The following SP7 variants were observed in gnomAD, a reference collection of about 807,000 sequenced individuals.
SP7 encodes Sp7 transcription factor, also known as transcription factor Sp7.
SP7 carries 13 observed loss-of-function variants against 27.9 expected under a neutral mutation model. That is an observed-to-expected ratio of 0.47 (90% CI 0.30 to 0.74). The LOEUF (loss-of-function observed/expected upper bound fraction) is 0.74. Ranked by LOEUF, SP7 falls within the 30% of genes least tolerant of loss-of-function variation. The pLI is 0.06. For missense variants in SP7, 525 were observed against 558.0 expected (o/e 0.94, Z 0.60); for synonymous variants, 219 against 226.7 (o/e 0.97, Z 0.31).
At chr12:53,333,330 C>T (rs1223467605) in intron 2 of SP7, among the ~76,000 whole-genome samples, 2 of 152,178 alleles carry the variant, frequency 1.3e-5, no homozygotes, top group Non-Finnish European at 2.9e-5. Flanking sequence ...ACCTCCACCC[C>T]ACCACCCTTA....
At chr12:53,329,482 C>T (rs762644597) in intron 2 of SP7, 62 bp from the exon 3 acceptor site, 1 of 1,422,140 alleles carries the variant, frequency 7.0e-7, no homozygotes, top group Non-Finnish European at 9.8e-7. Context: ...TGAAGGGCAA[C>T]ACTTTAGGAC....
intron 2 of SP7, among the ~76,000 whole-genome samples, chr12:53,334,773 G>C (rs77410399): frequency 6.6e-6 from 1 of 152,160 alleles, no homozygotes; most frequent in African/African-American, 2.4e-5. Flanking sequence ...CCAGAAGCCA[G>C]AGTAGAGTCA....
chr12:53,339,499 G>A (rs11829355), upstream of SP7, among the ~76,000 whole-genome samples: 28,663 of 151,562 alleles, frequency 0.19, 2,834 homozygotes, highest in South Asian at 0.21. Context: ...GCCAAGGTGG[G>A]TGGATCACCT....
At chr12:53,342,553 C>T (rs1167075362) in intron 1 of SP7, among the ~76,000 whole-genome samples, 1 of 152,154 alleles carries the variant, frequency 6.6e-6, no homozygotes, top group African/African-American at 2.4e-5. Context: ...TGGTGGCTCA[C>T]GCCTGTAATT....
intron 1 of SP7, among the ~76,000 whole-genome samples, chr12:53,342,073 AAAC>A (rs376236634): frequency 1.0e-5 from 1 of 98,542 alleles, no homozygotes; most frequent in Non-Finnish European, 2.2e-5. Flanking sequence ...AAAAAACAAA[AAAC>A]AAACAAACAA....
At chr12:53,332,800 C>T (rs540651725) in intron 2 of SP7, among the ~76,000 whole-genome samples, 1 of 152,280 alleles carries the variant, frequency 6.6e-6, no homozygotes, top group South Asian at 2.1e-4. Flanking sequence ...TGGTGCTGGG[C>T]CCCAGAAAAC....
intron 1 of SP7, among the ~76,000 whole-genome samples, chr12:53,342,384 T>G (rs951268995): frequency 5.3e-5 from 8 of 152,258 alleles, no homozygotes; most frequent in Non-Finnish European, 1.0e-4. Flanking sequence ...ATTCAACAAA[T>G]GTTCAGAAAG....
chr12:53,331,480 A>AAAG (rs1270951258), intron 2 of SP7, among the ~76,000 whole-genome samples: 1 of 150,770 alleles, frequency 6.6e-6, no homozygotes, highest in African/African-American at 2.4e-5. Flanking sequence ...CAAAAAAAAA[A>AAAG]AAAAAAAAGA....
intron 2 of SP7, among the ~76,000 whole-genome samples, chr12:53,331,090 G>T: frequency 6.6e-6 from 1 of 152,216 alleles, no homozygotes; most frequent in South Asian, 2.1e-4. Context: ...ACTGCTTCAT[G>T]CCTCAGTGTC....
intron 1 of SP7, among the ~76,000 whole-genome samples, chr12:53,341,472 T>C (rs1463739551): frequency 6.6e-6 from 1 of 152,122 alleles, no homozygotes; most frequent in Non-Finnish European, 1.5e-5. Flanking sequence ...TGGGACAACA[T>C]TGAATTAAGT....
At chr12:53,335,410 C>T (rs1210229251) in intron 2 of SP7, among the ~76,000 whole-genome samples, 1 of 151,730 alleles carries the variant, frequency 6.6e-6, no homozygotes, top group Non-Finnish European at 1.5e-5. Flanking sequence ...ACCCTCTTTC[C>T]ACTGCCCTCT....
intron 2 of SP7, among the ~76,000 whole-genome samples, chr12:53,330,386 G>C (rs1220074044): frequency 1.3e-5 from 2 of 152,142 alleles, no homozygotes; most frequent in South Asian, 2.1e-4. Flanking sequence ...GTCTCACTCT[G>C]TCTCCCAAGC....
At chr12:53,336,014 G>A (rs1944766401) in intron 1 of SP7, 132 bp downstream of exon 1, 1 of 289,440 alleles carries the variant, frequency 3.5e-6, no homozygotes, top group Non-Finnish European at 6.5e-6. Flanking sequence ...GCATGGGCAA[G>A]TTGTCAGGGC....
intron 2 of SP7, among the ~76,000 whole-genome samples, chr12:53,330,267 G>A (rs2136838403): frequency 6.6e-6 from 1 of 152,084 alleles, no homozygotes; most frequent in Non-Finnish European, 1.5e-5. Flanking sequence ...GGCTGGTCTT[G>A]AACTGATGAC....
At chr12:53,329,789 T>G (rs1029010126) in intron 2 of SP7, among the ~76,000 whole-genome samples, 1 of 152,026 alleles carries the variant, frequency 6.6e-6, no homozygotes, top group Non-Finnish European at 1.5e-5. Flanking sequence ...TGGAGTGCAA[T>G]GGTGTGACCT....
upstream of SP7, among the ~76,000 whole-genome samples, chr12:53,339,157 CA>C (rs1210542276): frequency 6.6e-6 from 1 of 152,194 alleles, no homozygotes; most frequent in Non-Finnish European, 1.5e-5. Flanking sequence ...CACCCCCCAC[CA>C]CCCTGGGGGC....
chr12:53,335,284 A>C (rs1432859441), intron 2 of SP7, among the ~76,000 whole-genome samples: 342 of 70,420 alleles, frequency 4.9e-3, no homozygotes, highest in Admixed American at 5.7e-3. Flanking sequence ...CTCTCTCCTC[A>C]CTCCCCCTCG....
chr12:53,337,896 A>G (rs74240619), upstream of SP7, among the ~76,000 whole-genome samples: 282 of 152,286 alleles, frequency 1.9e-3, 8 homozygotes, highest in East Asian at 0.041. Flanking sequence ...AAAGAGTCCA[A>G]GACAATCAGA....
chr12:53,339,671 G>C (rs774740557), upstream of SP7, among the ~76,000 whole-genome samples: 27 of 149,186 alleles, frequency 1.8e-4, no homozygotes, highest in Non-Finnish European at 3.6e-4. Flanking sequence ...ATTGCAGTGA[G>C]CTGAGATCAT....
Sources: gnomAD v4.1 joint callset for allele counts (sites outside exome capture counted in the v4.1 genomes callset) on GRCh38, gnomAD v4.1.1 for gene constraint, MANE v1.5 for transcripts, NCBI Gene and HGNC (gene_info 2026-07-23, HGNC 2026-07-21) for gene names.